Variants in SPATA31H1 observed in about 807,000 individuals in gnomAD.
SPATA31H1 encodes the protein SPATA31 subfamily H member 1, also known as spermatogenesis-associated protein 31H1.
At chr2:27,574,883 T>A in the SPATA31H1 span, 1 of 398,476 alleles carries the variant, frequency 2.5e-6, no homozygotes, top group Non-Finnish European at 4.4e-6. Flanking sequence ...ACTTGCAAGG[T>A]ATGAAATCTT....
At chr2:27,537,434 C>T in the SPATA31H1 span, 4 of 717,256 alleles carry the variant, frequency 5.6e-6, no homozygotes, top group Non-Finnish European at 1.0e-5. Flanking sequence ...GAAATGGCAC[C>T]AATTTGGGGG....
At chr2:27,558,043 GAC>G in the SPATA31H1 span, among the ~76,000 whole-genome samples, 1 of 7,956 alleles carries the variant, frequency 1.3e-4, no homozygotes, top group Non-Finnish European at 3.3e-4. Context: ...GCGGGGGGCT[GAC>G]CCCCCCCACC....
the SPATA31H1 span, among the ~76,000 whole-genome samples, chr2:27,559,972 A>G: frequency 3.3e-5 from 5 of 152,002 alleles, no homozygotes; most frequent in Non-Finnish European, 7.4e-5. Flanking sequence ...AGTTCAAGCA[A>G]TTCTCCTGCC....
chr2:27,539,657 CG>C, the SPATA31H1 span, among the ~76,000 whole-genome samples: 1 of 106,184 alleles, frequency 9.4e-6, no homozygotes, highest in Non-Finnish European at 1.9e-5. Flanking sequence ...GGGCCGTGGC[CG>C]GGCAGAGGGG....
At chr2:27,560,152 C>A in the SPATA31H1 span, among the ~76,000 whole-genome samples, 5 of 152,146 alleles carry the variant, frequency 3.3e-5, no homozygotes, top group African/African-American at 1.2e-4. Flanking sequence ...AGGCGTGAGC[C>A]ACCATGCCTG....
chr2:27,579,024 G>A, the SPATA31H1 span: 2 of 1,614,064 alleles, frequency 1.2e-6, no homozygotes, highest in African/African-American at 2.7e-5. Context: ...GATTCTAGGA[G>A]TGGATGTAAT....
the SPATA31H1 span, chr2:27,579,052 A>G: frequency 1.1e-4 from 170 of 1,614,206 alleles, 2 homozygotes; most frequent in South Asian, 1.8e-3. Context: ...GAGACAACTA[A>G]GAGGAAGCAA....
At chr2:27,567,938 T>C in the SPATA31H1 span, 1 of 398,878 alleles carries the variant, frequency 2.5e-6, no homozygotes, top group South Asian at 1.3e-4. Context: ...CAAGTCAAGT[T>C]GTGAAACCAA....
the SPATA31H1 span, chr2:27,578,824 G>C: frequency 6.2e-7 from 1 of 1,614,128 alleles, no homozygotes; most frequent in Non-Finnish European, 8.5e-7. Context: ...TCTGAATTAG[G>C]AGGACTTTGG....
the SPATA31H1 span, chr2:27,582,377 TC>T: frequency 3.8e-5 from 61 of 1,614,060 alleles, 1 homozygote; most frequent in African/African-American, 7.6e-4. Flanking sequence ...GCCGACGCAG[TC>T]CCCTTAAGGA....
chr2:27,566,745 G>A, the SPATA31H1 span: 2 of 686,186 alleles, frequency 2.9e-6, no homozygotes, highest in Non-Finnish European at 5.4e-6. Context: ...ATCAAGGCTT[G>A]TGGAACAGGA....
the SPATA31H1 span, among the ~76,000 whole-genome samples, chr2:27,539,940 G>A: frequency 8.8e-5 from 11 of 125,182 alleles, no homozygotes; most frequent in African/African-American, 2.1e-4. Flanking sequence ...CCTCCCTCCC[G>A]GACGGGGCGG....
chr2:27,567,049 C>A, the SPATA31H1 span: 12 of 717,260 alleles, frequency 1.7e-5, no homozygotes, highest in East Asian at 2.7e-5. Context: ...CCCCAGAAAT[C>A]AAAAATTTTT....
chr2:27,580,069 T>G, the SPATA31H1 span: 1 of 1,614,192 alleles, frequency 6.2e-7, no homozygotes, highest in Non-Finnish European at 8.5e-7. Flanking sequence ...CGGTTGCATC[T>G]TGGCTTTAGG....
chr2:27,559,733 GCC>G, the SPATA31H1 span, among the ~76,000 whole-genome samples: 15 of 152,166 alleles, frequency 9.9e-5, no homozygotes, highest in African/African-American at 3.6e-4. Context: ...ATGCTAGTAA[GCC>G]CATCCATTTC....
At chr2:27,578,971 G>T in the SPATA31H1 span, 3 of 1,613,976 alleles carry the variant, frequency 1.9e-6, no homozygotes, top group Non-Finnish European at 1.7e-6. Flanking sequence ...CATAATCAAA[G>T]CTCCGATAAG....
the SPATA31H1 span, chr2:27,570,189 G>A: frequency 5.0e-6 from 2 of 398,712 alleles, no homozygotes; most frequent in Non-Finnish European, 8.9e-6. Flanking sequence ...TCAGCTCGAA[G>A]ATATAAAGTC....
the SPATA31H1 span, among the ~76,000 whole-genome samples, chr2:27,565,826 A>G: frequency 6.6e-6 from 1 of 152,194 alleles, no homozygotes; most frequent in Admixed American, 6.5e-5. Context: ...TTCTTCCCAA[A>G]GTATATAGCT....
chr2:27,546,436 G>A, the SPATA31H1 span, among the ~76,000 whole-genome samples: 1 of 151,934 alleles, frequency 6.6e-6, no homozygotes, highest in Non-Finnish European at 1.5e-5. Context: ...TTCCAGTAGG[G>A]CAGGAACTAG....
Sources: allele counts gnomAD v4.1 joint callset (sites outside exome capture counted in the v4.1 genomes callset), GRCh38; gene constraint gnomAD v4.1.1; transcripts MANE v1.5; gene names NCBI Gene and HGNC (gene_info 2026-07-23, HGNC 2026-07-21).